SRBD1: variants seen among roughly 807,000 people sequenced by gnomAD.
The protein encoded by SRBD1 is S1 RNA binding domain 1.
In SRBD1, 88 loss-of-function variants were observed where a neutral mutation model predicts 115.3. The ratio of observed to expected loss-of-function variants is 0.76; its 90% CI spans 0.64 to 0.91. The LOEUF (loss-of-function observed/expected upper bound fraction) is 0.91, where lower values mean the gene tolerates loss of function less well. SRBD1 is among the 40% of genes least tolerant of loss of function. The pLI, the probability that SRBD1 is intolerant of heterozygous loss-of-function variation, is 0.00. For synonymous variants in SRBD1, 509 were observed against 407.7 expected, an observed-to-expected ratio of 1.25 and a Z score of -2.99; for missense variants, 1,385 against 1,177.4, an observed-to-expected ratio of 1.18 and a Z score of -2.58.
In SRBD1 at chr2:45,545,065, G is replaced by C. The variant is rs796298074; in HGVS notation, c.1874+1667C>G. On this transcript the variant is annotated intron_variant, in intron 14 of 20. Transcript: ENST00000263736. ...GGAGGCTGAGGCAGGCGGATCACGA[G>C]GTTAAGAGATCAAGATCATCCTGGC... Among the ~76,000 whole-genome samples, 7 of 151,940 alleles carry C rather than the reference G, an allele frequency of 4.6e-5. No individual in the cohort carries two copies. The South Asian group carries it at 1.0e-3, about 23-fold the overall frequency.
chr2:45,585,761 C>A lies in SRBD1; in HGVS notation c.662G>T (p.Arg221Ile). The A allele has an allele frequency of 6.3e-7, 1 of 1,596,436 alleles. No homozygotes were observed. The highest frequency in any genetic ancestry group is 1.1e-5 in the South Asian group (1 of 86,978). Residue 221 changes from arginine to isoleucine, a missense_variant, in exon 5 of 21, where the codon AGA (arginine) becomes ATA (isoleucine). Transcript: ENST00000263736. ...NWDMVQVLSERTNIEPWVCAN... is the reference protein window; with the variant it reads ...NWDMVQVLSEITNIEPWVCAN... The stretch of plus-strand genomic sequence containing the variant: ...ACAAACCCAAGGTTCAATATTAGTT[C>A]TCTCAGATAAAACCTGCAAATTAAA...
intron 9 of SRBD1, chr2:45,569,529 GA>G (rs1183009752): frequency 6.6e-6 from 1 of 152,194 alleles, no homozygotes; most frequent in Non-Finnish European, 1.5e-5. Context: ...AGTATTACAT[GA>G]AAGGTTAGGA....
intron 16 of SRBD1, 100 bp downstream of exon 16, chr2:45,476,893 T>A (rs1204408840): frequency 1.9e-5 from 20 of 1,049,302 alleles, no homozygotes; most frequent in Non-Finnish European, 2.9e-5. Context: ...ACCTTGAAAA[T>A]GGGAATCTAC....
rs115857328 is a variant in SRBD1 at position 45,605,131 on chromosome 2, T to C, written c.80+231A>G. Among the ~76,000 whole-genome samples the C allele has an allele frequency of 6.2e-3, 949 of 152,338 alleles. 14 individuals are homozygous for C. The highest frequency in any genetic ancestry group is 0.022 in the African/African-American group (923 of 41,586). ...CATGGAGCTTATATTCTAGTGTAAG[T>C]ATTATGTTACATATTTAGTTGGTTA... is the stretch of plus-strand genomic sequence containing the variant. On this transcript the variant is annotated intron_variant, in intron 2 of 20. Transcript: ENST00000263736.
chr2:45,479,574 G>T (rs1474013391), intron 15 of SRBD1, among the ~76,000 whole-genome samples: 1 of 152,224 alleles, frequency 6.6e-6, no homozygotes, highest in Non-Finnish European at 1.5e-5. Context: ...AAAGCTGAGA[G>T]AGGTGAGGAA....
chr2:45,601,718 G>A (rs1674096960), intron 3 of SRBD1, among the ~76,000 whole-genome samples, 185 bp downstream of exon 3: 1 of 152,234 alleles, frequency 6.6e-6, no homozygotes, highest in Non-Finnish European at 1.5e-5. Flanking sequence ...CAACTCCTAG[G>A]AGAGGGAAAA....
At chr2:45,514,457 A>G (rs559079312) in intron 14 of SRBD1, among the ~76,000 whole-genome samples, 1 of 152,308 alleles carries the variant, frequency 6.6e-6, no homozygotes, top group East Asian at 1.9e-4. Context: ...TTATCTATGA[A>G]AAGGGAAAAA....
chr2:45,516,677 A>G (rs543015880), intron 14 of SRBD1, among the ~76,000 whole-genome samples: 4 of 152,176 alleles, frequency 2.6e-5, no homozygotes, highest in Non-Finnish European at 5.9e-5. Flanking sequence ...AAATATTCTT[A>G]ATTTGTAAGT....
chr2:45,585,578 A>G (rs746301571), intron 5 of SRBD1, 30 bp downstream of exon 5: 1 of 1,596,074 alleles, frequency 6.3e-7, no homozygotes, highest in Admixed American at 1.8e-5. Flanking sequence ...TTCCCCTTAC[A>G]CTAGGCTTAT....
intron 20 of SRBD1, among the ~76,000 whole-genome samples, chr2:45,390,376 A>G (rs751351466): frequency 2.0e-5 from 3 of 152,182 alleles, no homozygotes; most frequent in Non-Finnish European, 4.4e-5. Flanking sequence ...TCACCCCAGC[A>G]TACATTTCTT....
chr2:45,525,328 T>C (rs1671407986), intron 14 of SRBD1, among the ~76,000 whole-genome samples: 1 of 151,988 alleles, frequency 6.6e-6, no homozygotes, highest in Non-Finnish European at 1.5e-5. Context: ...GCTTCAAATG[T>C]AATCAACAAA....
At chr2:45,395,376 GAGAC>G (rs1667115507) in intron 19 of SRBD1, among the ~76,000 whole-genome samples, 2 of 152,328 alleles carry the variant, frequency 1.3e-5, no homozygotes, top group South Asian at 4.1e-4. Flanking sequence ...GTGTGTGTGT[GAGAC>G]AGAGAGAGAG....
At chr2:45,404,535 C>G (rs1667375780) in intron 19 of SRBD1, among the ~76,000 whole-genome samples, 1 of 152,088 alleles carries the variant, frequency 6.6e-6, no homozygotes, top group Non-Finnish European at 1.5e-5. Flanking sequence ...TATCCTTCAT[C>G]CAATCTTTCA....
At chr2:45,519,169 G>T (rs947801851) in intron 14 of SRBD1, among the ~76,000 whole-genome samples, 7 of 152,106 alleles carry the variant, frequency 4.6e-5, no homozygotes, top group Admixed American at 2.0e-4. Flanking sequence ...CTGAAGGAGG[G>T]CACTAAAAAA....
chr2:45,590,791 C>T (rs1350395321), intron 4 of SRBD1, among the ~76,000 whole-genome samples: 8 of 152,028 alleles, frequency 5.3e-5, no homozygotes, highest in Non-Finnish European at 1.0e-4. Context: ...CCGAGGCGTG[C>T]GGATAACCTG....
At chr2:45,443,923 T>C (rs1668745752) in intron 16 of SRBD1, among the ~76,000 whole-genome samples, 1 of 152,190 alleles carries the variant, frequency 6.6e-6, no homozygotes, top group Admixed American at 6.5e-5. Flanking sequence ...TAATCTTTAA[T>C]GACAGGTACT....
intron 14 of SRBD1, among the ~76,000 whole-genome samples, chr2:45,492,190 T>C (rs1255779420): frequency 6.6e-6 from 1 of 152,218 alleles, no homozygotes; most frequent in Non-Finnish European, 1.5e-5. Flanking sequence ...CATTAATCAA[T>C]ATAATTTGTT....
At chr2:45,496,807 C>G (rs1224195035) in intron 14 of SRBD1, among the ~76,000 whole-genome samples, 1 of 152,152 alleles carries the variant, frequency 6.6e-6, no homozygotes, top group African/African-American at 2.4e-5. Context: ...TATCTACAAA[C>G]TTCATCTAAC....
chr2:45,443,241 T>G (rs1668723870), intron 16 of SRBD1, among the ~76,000 whole-genome samples: 1 of 152,182 alleles, frequency 6.6e-6, no homozygotes, highest in Non-Finnish European at 1.5e-5. Context: ...AGATGATGGC[T>G]GCCTAGAGTC....
Sources: gnomAD v4.1 joint callset for allele counts (sites outside exome capture counted in the v4.1 genomes callset) on GRCh38, gnomAD v4.1.1 for gene constraint, MANE v1.5 for transcripts, NCBI Gene and HGNC (gene_info 2026-07-23, HGNC 2026-07-21) for gene names.